CYP7B1: variants seen among roughly 807,000 people sequenced by gnomAD.
The protein encoded by CYP7B1 is cytochrome P450 7B1.
A neutral mutation model predicts 42.7 loss-of-function variants in CYP7B1; 29 were observed. The ratio of observed to expected loss-of-function variants is 0.68; its 90% CI spans 0.51 to 0.93. The LOEUF is 0.93. Among genes scored for constraint, CYP7B1 ranks in the 40% least tolerant of loss-of-function variants. The probability of loss-of-function intolerance (pLI) is 0.00; values close to 1 mark genes in which losing one functional copy is unlikely to be tolerated. For missense variants in CYP7B1, 655 were observed against 600.5 expected (o/e 1.09, Z -0.95); for synonymous variants, 235 against 218.2 (o/e 1.08, Z -0.68).
At chr8:64,666,348 T>A (rs1470531444) in intron 1 of CYP7B1, among the ~76,000 whole-genome samples, 1 of 152,196 alleles carries the variant, frequency 6.6e-6, no homozygotes, top group Non-Finnish European at 1.5e-5. Context: ...TTACAGAGGT[T>A]GCAGTCTACT....
chr8:64,700,852 G>T (rs972162610), intron 1 of CYP7B1, among the ~76,000 whole-genome samples: 4 of 152,092 alleles, frequency 2.6e-5, no homozygotes, highest in Non-Finnish European at 4.4e-5. Context: ...TTAAGGAAAA[G>T]TTACCATTCT....
In CYP7B1 at chr8:64,711,919, T is replaced by C. The variant is rs7816999; in HGVS notation, c.122+86547A>G. On this transcript the variant is annotated intron_variant, in intron 1 of 5. Coordinates refer to ENST00000310193, the MANE Select transcript of CYP7B1 (RefSeq NM_004820.5). ...TTATTTCTGTCTTGGTGACTATGTCTCATTTTTCATAAATACTTTAAAAAT... is the reference window on the plus strand; with the variant it reads ...TTATTTCTGTCTTGGTGACTATGTCCCATTTTTCATAAATACTTTAAAAAT... Among the ~76,000 whole-genome samples the C allele has an allele frequency of 5.1e-3, 777 of 152,342 alleles. 8 individuals carry two copies. Among genetic ancestry groups the C allele is most frequent in the African/African-American group, 0.017 (726 of 41,584 alleles).
intron 1 of CYP7B1, among the ~76,000 whole-genome samples, chr8:64,727,791 C>T (rs1178128526): frequency 2.0e-5 from 3 of 152,160 alleles, no homozygotes; most frequent in Admixed American, 2.0e-4. Flanking sequence ...ACAATTCTAA[C>T]ACAGAACTCC....
At chr8:64,732,150 G>C (rs1460628022) in intron 1 of CYP7B1, among the ~76,000 whole-genome samples, 1 of 152,180 alleles carries the variant, frequency 6.6e-6, no homozygotes, top group East Asian at 1.9e-4. Flanking sequence ...TAGCATTGTA[G>C]ATCCACTTAC....
intron 1 of CYP7B1, among the ~76,000 whole-genome samples, chr8:64,651,488 A>G (rs751139995): frequency 2.0e-5 from 3 of 152,200 alleles, no homozygotes; most frequent in African/African-American, 4.8e-5. Context: ...CATCTACTCA[A>G]TGTGTAATCT....
At chr8:64,656,893 ACT>A (rs1806128236) in intron 1 of CYP7B1, among the ~76,000 whole-genome samples, 1 of 152,038 alleles carries the variant, frequency 6.6e-6, no homozygotes, top group African/African-American at 2.4e-5. Context: ...TAATTTTAAA[ACT>A]CTCAAAACTA....
At chr8:64,645,876 C>A (rs1472878899) in intron 1 of CYP7B1, among the ~76,000 whole-genome samples, 2 of 151,984 alleles carry the variant, frequency 1.3e-5, no homozygotes, top group African/African-American at 4.8e-5. Context: ...CAGAACAGAG[C>A]CCTCAGAAAT....
At chr8:64,766,494 G>A (rs1385246234) in intron 1 of CYP7B1, among the ~76,000 whole-genome samples, 1 of 151,740 alleles carries the variant, frequency 6.6e-6, no homozygotes, top group Non-Finnish European at 1.5e-5. Context: ...AGGAGGAGCA[G>A]GCGGAACGGG....
At chr8:64,795,064 G>T (rs535990495) in intron 1 of CYP7B1, among the ~76,000 whole-genome samples, 3 of 151,724 alleles carry the variant, frequency 2.0e-5, no homozygotes, top group Non-Finnish European at 4.4e-5. Flanking sequence ...CGAAATGGTT[G>T]TGGATAGAAA....
chr8:64,612,677 C>T (rs1037776966), intron 4 of CYP7B1, among the ~76,000 whole-genome samples: 2 of 152,024 alleles, frequency 1.3e-5, no homozygotes, highest in Non-Finnish European at 2.9e-5. Flanking sequence ...TGTAATAGTG[C>T]CCAAATCCTC....
chr8:64,667,206 T>C (rs1050895787), intron 1 of CYP7B1, among the ~76,000 whole-genome samples: 11 of 152,190 alleles, frequency 7.2e-5, no homozygotes, highest in African/African-American at 2.4e-4. Flanking sequence ...ATGTACTAAG[T>C]TGTACTTCTG....
chr8:64,605,102 G>A (rs999277027), intron 4 of CYP7B1, among the ~76,000 whole-genome samples: 3 of 152,156 alleles, frequency 2.0e-5, no homozygotes, highest in African/African-American at 7.2e-5. Context: ...TTGTACCTGG[G>A]CAGAAAGTCA....
chr8:64,597,396 C>A (rs946227952), intron 5 of CYP7B1, among the ~76,000 whole-genome samples: 4 of 152,178 alleles, frequency 2.6e-5, no homozygotes, highest in African/African-American at 9.7e-5. Flanking sequence ...CCTTCCCCAC[C>A]AGCTACTGAT....
chr8:64,751,919 G>A (rs759110267), intron 1 of CYP7B1, among the ~76,000 whole-genome samples: 3 of 152,028 alleles, frequency 2.0e-5, no homozygotes, highest in Non-Finnish European at 4.4e-5. Context: ...CACCACATAG[G>A]CACCCAATAA....
At chr8:64,598,269 G>C (rs947159631) in intron 5 of CYP7B1, among the ~76,000 whole-genome samples, 4 of 152,100 alleles carry the variant, frequency 2.6e-5, no homozygotes, top group African/African-American at 9.7e-5. Flanking sequence ...GTATCCAAAC[G>C]GTATTTAATC....
intron 1 of CYP7B1, among the ~76,000 whole-genome samples, chr8:64,641,655 T>G (rs541828918): frequency 8.5e-5 from 13 of 152,156 alleles, no homozygotes; most frequent in Non-Finnish European, 1.5e-4. Flanking sequence ...TGTGGTAGAT[T>G]GTAGTGGTGT....
At chr8:64,732,981 G>A (rs894494411) in intron 1 of CYP7B1, 8 of 152,226 alleles carry the variant, frequency 5.3e-5, no homozygotes, top group Admixed American at 3.9e-4. Context: ...AGGGCAAAAA[G>A]AGAAACCAGG....
At chr8:64,587,892 A>G (rs117903887), downstream of CYP7B1, 16 of 152,304 alleles carry the variant, frequency 1.1e-4, no homozygotes, top group African/African-American at 3.6e-4. Flanking sequence ...ACCCCACTAC[A>G]TATATGATGG....
chr8:64,763,848 T>C (rs1416806505), intron 1 of CYP7B1, among the ~76,000 whole-genome samples: 1 of 152,262 alleles, frequency 6.6e-6, no homozygotes, highest in East Asian at 1.9e-4. Flanking sequence ...CCTTTCCTTC[T>C]GACCCATACC....
Sources: gnomAD v4.1 joint callset for allele counts (sites outside exome capture counted in the v4.1 genomes callset) on GRCh38, gnomAD v4.1.1 for gene constraint, MANE v1.5 for transcripts, NCBI Gene and HGNC (gene_info 2026-07-23, HGNC 2026-07-21) for gene names.